Variants in AAGAB observed in about 807,000 individuals in gnomAD.
The protein encoded by AAGAB is alpha and gamma adaptin binding protein.
Under a neutral mutation model 44.1 loss-of-function variants are expected in AAGAB, and 38 were observed. That is an observed-to-expected ratio of 0.86 (90% CI 0.67 to 1.13). The LOEUF (loss-of-function observed/expected upper bound fraction) is 1.13, where lower values mean the gene tolerates loss of function less well. Ranked by LOEUF, AAGAB falls within the 50% of genes most tolerant of loss-of-function variation. The pLI is 0.00. For synonymous variants in AAGAB, 131 were observed against 131.8 expected, an observed-to-expected ratio of 0.99 and a Z score of 0.04; for missense variants, 450 against 373.8, an observed-to-expected ratio of 1.20 and a Z score of -1.68.
intron 1 of AAGAB, among the ~76,000 whole-genome samples, chr15:67,240,723 CCTA>C (rs1964575902): frequency 6.6e-6 from 1 of 152,130 alleles, no homozygotes; most frequent in East Asian, 1.9e-4. Context: ...ACTTCTTTTC[CCTA>C]TAATCTCATA....
At chr15:67,249,183 C>T (rs927803884) in intron 1 of AAGAB, among the ~76,000 whole-genome samples, 12 of 152,024 alleles carry the variant, frequency 7.9e-5, no homozygotes, top group Non-Finnish European at 8.8e-5. Flanking sequence ...TACAGGTGTG[C>T]ACCACCACAC....
At chr15:67,206,042 A>G (rs1442002965) in intron 7 of AAGAB, among the ~76,000 whole-genome samples, 2 of 152,232 alleles carry the variant, frequency 1.3e-5, no homozygotes, top group Non-Finnish European at 2.9e-5. Context: ...CATAGACTTC[A>G]TCGGTTTTTC....
chr15:67,222,220 A>G (rs1282987773), intron 5 of AAGAB, among the ~76,000 whole-genome samples: 2 of 131,328 alleles, frequency 1.5e-5, no homozygotes, highest in South Asian at 2.6e-4. Context: ...TACTACATGC[A>G]TGCACGCGCA....
At chr15:67,221,857 T>C (rs1335405305) in intron 5 of AAGAB, among the ~76,000 whole-genome samples, 2 of 152,200 alleles carry the variant, frequency 1.3e-5, no homozygotes, top group Non-Finnish European at 2.9e-5. Context: ...GTTTATTGAA[T>C]TCCTCCATTT....
At chr15:67,216,293 T>G (rs1190538807) in intron 5 of AAGAB, among the ~76,000 whole-genome samples, 1 of 151,494 alleles carries the variant, frequency 6.6e-6, no homozygotes, top group Non-Finnish European at 1.5e-5. Context: ...AATACAAAAA[T>G]TAGCTGGGCG....
intron 1 of AAGAB, among the ~76,000 whole-genome samples, chr15:67,250,975 C>T (rs948318532): frequency 2.6e-5 from 4 of 151,984 alleles, no homozygotes; most frequent in African/African-American, 9.7e-5. Flanking sequence ...TGCAGTGAGC[C>T]GAGATCGTGC....
At chr15:67,228,855 T>G (rs369548368) in intron 5 of AAGAB, among the ~76,000 whole-genome samples, 17 of 152,228 alleles carry the variant, frequency 1.1e-4, no homozygotes, top group African/African-American at 4.1e-4. Flanking sequence ...GCCATAATCC[T>G]AAGTGAATTA....
chr15:67,240,163 T>A lies in AAGAB; in HGVS notation c.74-3343A>T, dbSNP rs533704314. Among the ~76,000 whole-genome samples the A allele has an allele frequency of 2.6e-5, 4 of 152,324 alleles. No homozygotes were observed. The East Asian group carries it at 7.7e-4, about 29-fold the overall frequency. ...ATAATAGCCAGAATAGGGGCACAATTATATACGGATCTGCAGCACAATTAA... is the reference window on the plus strand; with the variant it reads ...ATAATAGCCAGAATAGGGGCACAATAATATACGGATCTGCAGCACAATTAA... On this transcript the variant is annotated intron_variant, in intron 1 of 9. Coordinates refer to ENST00000261880, the MANE Select transcript of AAGAB (RefSeq NM_024666.5).
At chr15:67,246,942 G>T (rs527909065) in intron 1 of AAGAB, among the ~76,000 whole-genome samples, 1 of 152,172 alleles carries the variant, frequency 6.6e-6, no homozygotes, top group African/African-American at 2.4e-5. Flanking sequence ...CCCCTTCCAC[G>T]CTGTGGAAGC....
Position 67,254,556 on chromosome 15 carries a change from C to T in AAGAB, c.73+3G>A. 1 of 1,606,410 alleles carries T rather than the reference C, an allele frequency of 6.2e-7. No homozygotes were observed. The highest frequency in any genetic ancestry group is 8.5e-7 in the Non-Finnish European group (1 of 1,177,416). On this transcript the variant is annotated splice_donor_region_variant and intron_variant, in intron 1 of 9. Coordinates refer to ENST00000261880, the MANE Select transcript of AAGAB (RefSeq NM_024666.5). Reference sequence around the variant, plus strand: ...AGGTCGGCCCAGGCGCCTATCTACTCACGTTGGACCAGCTGGTCTCCTGAG... The same window carrying T: ...AGGTCGGCCCAGGCGCCTATCTACTTACGTTGGACCAGCTGGTCTCCTGAG...
intron 5 of AAGAB, among the ~76,000 whole-genome samples, chr15:67,215,445 CTAGA>C (rs1290150639): frequency 2.6e-5 from 4 of 152,110 alleles, no homozygotes; most frequent in Admixed American, 1.3e-4. Flanking sequence ...AACAGACCTC[CTAGA>C]TATTTTCTGT....
At chr15:67,235,841 C>A (rs550934057) in intron 4 of AAGAB, 138 bp downstream of exon 4, 10 of 646,390 alleles carry the variant, frequency 1.5e-5, no homozygotes, top group Admixed American at 8.8e-5. Flanking sequence ...TATAAGATTA[C>A]ATCAATGGAT....
chr15:67,210,288 C>T (rs1259667142), intron 5 of AAGAB, among the ~76,000 whole-genome samples: 3 of 151,954 alleles, frequency 2.0e-5, no homozygotes, highest in Non-Finnish European at 2.9e-5. Context: ...AGGCCGAGGC[C>T]GGCGGATCAC....
intron 5 of AAGAB, among the ~76,000 whole-genome samples, chr15:67,214,645 C>CT (rs542501628): frequency 0.023 from 3,352 of 146,756 alleles, 58 homozygotes; most frequent in East Asian, 0.082. Context: ...TAAGTCCTTA[C>CT]TTTTTTTTTT....
intron 5 of AAGAB, among the ~76,000 whole-genome samples, chr15:67,224,378 G>C (rs533866063): frequency 6.6e-6 from 1 of 152,048 alleles, no homozygotes; most frequent in East Asian, 1.9e-4. Flanking sequence ...ACTTATAAAA[G>C]CTGTATTATT....
At chr15:67,243,431 C>T (rs1360611446) in intron 1 of AAGAB, among the ~76,000 whole-genome samples, 3 of 152,116 alleles carry the variant, frequency 2.0e-5, no homozygotes, top group African/African-American at 7.2e-5. Flanking sequence ...TAAATATACC[C>T]CTAAAGCAGT....
At position 67,202,898 on chromosome 15, in the gene AAGAB, C is replaced by T. The variant is rs1010376485; in HGVS notation, c.871G>A (p.Val291Met). 2 of 1,614,032 alleles carry T rather than the reference C, an allele frequency of 1.2e-6. No homozygotes were observed. Among genetic ancestry groups the T allele is most frequent in the East Asian group, 2.2e-5 (1 of 44,884 alleles). ...HEQRKVHAEK[V>M]AKAFWMAIGG... ...ATTGCCATCCAGAATGCTTTGGCCA[C>T]CTGTGGAGAGAAGCATGCAACAAAT... The change falls in exon 10 of 10, where the codon GTG (valine) becomes ATG (methionine). Residue 291 changes from valine to methionine, a missense_variant and splice_region_variant. Physicochemically the swap from Val to Met is conservative, Grantham distance 21. Transcript: ENST00000261880.
At chr15:67,254,968 GGCCCT>G, upstream of AAGAB, 1 of 1,608,916 alleles carries the variant, frequency 6.2e-7, no homozygotes, top group Non-Finnish European at 8.5e-7. Flanking sequence ...GGCTTCCCCC[GGCCCT>G]GCCCTGCCCA....
intron 5 of AAGAB, among the ~76,000 whole-genome samples, chr15:67,222,271 C>T (rs1964097512): frequency 6.6e-6 from 1 of 150,950 alleles, no homozygotes; most frequent in South Asian, 2.1e-4. Context: ...CACACACACA[C>T]ACACACACAC....
Sources: allele counts gnomAD v4.1 joint callset (sites outside exome capture counted in the v4.1 genomes callset), GRCh38; gene constraint gnomAD v4.1.1; transcripts MANE v1.5; gene names NCBI Gene and HGNC (gene_info 2026-07-23, HGNC 2026-07-21).